Variants in HTR1D observed in about 807,000 individuals in gnomAD.
HTR1D encodes 5-HT-1D.
In HTR1D, 18 loss-of-function variants were observed where a neutral mutation model predicts 21.1. That is an observed-to-expected ratio of 0.85 (90% confidence interval 0.59 to 1.27). HTR1D has a LOEUF of 1.27. Among genes scored for constraint, HTR1D ranks in the 50% most tolerant of loss-of-function variants. The pLI, the probability that HTR1D is intolerant of heterozygous loss-of-function variation, is 0.00. For synonymous variants in HTR1D, 196 were observed against 204.4 expected (o/e 0.96, Z 0.35); for missense variants, 456 against 481.4 (o/e 0.95, Z 0.49).
chr1:23,208,899 AAAAG>A (rs1013361485), intron 1 of HTR1D, among the ~76,000 whole-genome samples: 1 of 152,198 alleles, frequency 6.6e-6, no homozygotes, highest in Non-Finnish European at 1.5e-5. Flanking sequence ...AGAATGTAAA[AAAAG>A]AATATAAAAT....
Position 23,217,148 on chromosome 1 carries a change from C to A in HTR1D, c.-783+143G>T, listed in dbSNP as rs1228847636. The stretch of plus-strand genomic sequence containing the variant: ...GGCCGGGCAGGTCCTCCGGGACCCT[C>A]TCCCTGGCGCGCGCCCGTCCGAGGG... On this transcript the variant is annotated intron_variant, in intron 1 of 1. Coordinates refer to ENST00000374619, the MANE Select transcript of HTR1D (RefSeq NM_000864.5). This position sits in a 1 kb window ranked among gnomAD's most constrained non-coding sequence, Gnocchi z 4.6. 2.6e-5 allele frequency among the ~76,000 whole-genome samples: 4 copies of A among 151,914 alleles called. No individual in the cohort carries two copies. Among genetic ancestry groups the A allele is most frequent in the Non-Finnish European group, 4.4e-5 (3 of 67,858 alleles).
At position 23,193,262 on chromosome 1, in the gene HTR1D, C is replaced by T; in HGVS notation, c.958G>A (p.Val320Met). The T allele has an allele frequency of 6.2e-7, 1 of 1,614,106 alleles. No homozygotes were observed. The highest frequency in any genetic ancestry group is 8.5e-7 in the Non-Finnish European group (1 of 1,180,016). ...CGGCAGATGGGGAGGACCAGAGACA[C>T]CACGAAGAAGGGCAGCCAGCAGATG... ...FIICWLPFFV[V>M]SLVLPICRDS... Residue 320 changes from valine (V) to methionine (M), a missense_variant, in exon 2 of 2, where the codon GTG (valine) becomes ATG (methionine). Val to Met is a conservative substitution (Grantham distance 21, BLOSUM62 1). Coordinates refer to ENST00000374619, the MANE Select transcript of HTR1D (RefSeq NM_000864.5).
rs1204917195 is a variant in HTR1D, at chr1:23,217,388, A to AC, written c.-881dup. Among the ~76,000 whole-genome samples, 1 of 122,072 alleles carries AC rather than the reference A, an allele frequency of 8.2e-6. No homozygotes were observed. The highest frequency in any genetic ancestry group is 3.2e-5 in the African/African-American group (1 of 31,448). The allele number at this position is 122,072 out of a possible 152,430, so 80.1% of individuals were successfully genotyped here. Reference sequence around the variant, plus strand: ...TCGCGGCCGCCTTGTCTCCGCCGCGACCCCCGCCGAACTCGGGGGCCGCCC... The same window carrying AC: ...TCGCGGCCGCCTTGTCTCCGCCGCGACCCCCCGCCGAACTCGGGGGCCGCCC... On this transcript the variant is annotated 5_prime_UTR_variant, in exon 1 of 2. Transcript: ENST00000374619. The surrounding 1 kb of genome is among the most constrained non-coding windows in gnomAD (Gnocchi z 4.6).
Position 23,192,788 on chromosome 1 carries a change from G to C in HTR1D, c.*298C>G. 1 of 206,484 alleles carries C rather than the reference G, an allele frequency of 4.8e-6. No individual in the cohort carries two copies. Among genetic ancestry groups the C allele is most frequent in the Non-Finnish European group, 9.3e-6 (1 of 107,730 alleles). The allele number at this position is 206,484 out of a possible 1,614,324, so 12.8% of individuals were successfully genotyped here. ...GGATGCGGAGGTTGCAGTGAGCTGA[G>C]ATTGTGCCACTACACTCCAGCCTGG... is the stretch of plus-strand genomic sequence containing the variant. On this transcript the variant is annotated 3_prime_UTR_variant, in exon 2 of 2. Coordinates refer to ENST00000374619, the MANE Select transcript of HTR1D (RefSeq NM_000864.5).
At position 23,199,721 on chromosome 1, in the gene HTR1D, C is replaced by T. The variant is rs370275441; in HGVS notation, c.-782-4720G>A. Among the ~76,000 whole-genome samples, 6 of 151,810 alleles carry T rather than the reference C, an allele frequency of 4.0e-5. No individual in the cohort carries two copies. The South Asian group carries it at 6.3e-4, about 16-fold the overall frequency. ...TTCTTTCTTTCTTTCTTTTTCTTGG[C>T]GGGGAAGGAGTCTTCCTCTGTCACC... On this transcript the variant is annotated intron_variant, in intron 1 of 1. Coordinates refer to ENST00000374619, the MANE Select transcript of HTR1D (RefSeq NM_000864.5).
chr1:23,207,040 G>A (rs1349974382), intron 1 of HTR1D, among the ~76,000 whole-genome samples: 1 of 152,110 alleles, frequency 6.6e-6, no homozygotes. Flanking sequence ...TGAAAATGAG[G>A]TAGTTGGACC....
At position 23,193,297 on chromosome 1, in the gene HTR1D, C is replaced by T. The variant is rs1339262386; in HGVS notation, c.923G>A (p.Gly308Glu). 2 of 1,613,978 alleles carry T rather than the reference C, an allele frequency of 1.2e-6. No individual in the cohort carries two copies. Among genetic ancestry groups the T allele is most frequent in the African/African-American group, 2.7e-5 (2 of 74,878 alleles). ...GGGCAGCCAGCAGATGATAAAGGCCCCCAGAATGATGCCCAGGATTTTAGT... is the reference window on the plus strand; with the variant it reads ...GGGCAGCCAGCAGATGATAAAGGCCTCCAGAATGATGCCCAGGATTTTAGT... The part of the protein sequence containing the change: ...KATKILGIIL[G>E]AFIICWLPFF... Residue 308 changes from glycine (G) to glutamate (E), a missense_variant, in exon 2 of 2, where the codon GGG (glycine) becomes GAG (glutamate). Transcript: ENST00000374619.
At chr1:23,198,602 A>G (rs1384915784) in intron 1 of HTR1D, among the ~76,000 whole-genome samples, 1 of 152,182 alleles carries the variant, frequency 6.6e-6, no homozygotes, top group African/African-American at 2.4e-5. Flanking sequence ...ACAACTAAAA[A>G]CAACCAAACG....
At chr1:23,200,034 G>A (rs531366291) in intron 1 of HTR1D, among the ~76,000 whole-genome samples, 1 of 152,160 alleles carries the variant, frequency 6.6e-6, no homozygotes, top group African/African-American at 2.4e-5. Flanking sequence ...AATCTATTTT[G>A]TATATTATGA....
intron 1 of HTR1D, among the ~76,000 whole-genome samples, chr1:23,202,827 C>G (rs1315332684): frequency 1.3e-5 from 2 of 152,076 alleles, no homozygotes; most frequent in African/African-American, 2.4e-5. Context: ...TCAGTTTTCT[C>G]CTCTGCAAAA....
At chr1:23,200,982 G>A (rs1007175319) in intron 1 of HTR1D, among the ~76,000 whole-genome samples, 2 of 152,134 alleles carry the variant, frequency 1.3e-5, no homozygotes, top group African/African-American at 4.8e-5. Flanking sequence ...GCCACACCAT[G>A]CCTCTCCCAG....
intron 1 of HTR1D, among the ~76,000 whole-genome samples, chr1:23,215,006 T>G (rs1221482266): frequency 1.3e-5 from 2 of 151,930 alleles, no homozygotes; most frequent in Non-Finnish European, 2.9e-5. Flanking sequence ...GAAAGGAGAA[T>G]GAAGCCGCAA....
intron 1 of HTR1D, among the ~76,000 whole-genome samples, chr1:23,199,075 C>T (rs1448717008): frequency 6.6e-6 from 1 of 151,902 alleles, no homozygotes; most frequent in East Asian, 1.9e-4. Flanking sequence ...GGCCAGCCTG[C>T]CTTGGCCTCC....
Position 23,191,942 on chromosome 1 carries a change from A to G in HTR1D, c.*1144T>C, listed in dbSNP as rs770009040. ...TTATTTGATAAGACTCAACATCTCT[A>G]ATGAGTTTTCAGATCTCTAATGAGA... On this transcript the variant is annotated 3_prime_UTR_variant, in exon 2 of 2. Coordinates refer to ENST00000374619, the MANE Select transcript of HTR1D (RefSeq NM_000864.5). The G allele has an allele frequency of 6.6e-6, 1 of 151,488 alleles. No individual in the cohort carries two copies. The highest frequency in any genetic ancestry group is 2.4e-5 in the African/African-American group (1 of 41,236). 9.4% of individuals were successfully genotyped at this position (151,488 alleles called of 1,614,324 possible). A position where few individuals can be genotyped will look rare whatever the true frequency, so the allele number is the denominator to read the frequency against.
rs952709044 is a variant in HTR1D, at chr1:23,193,009, A to T, written c.*77T>A. Reference sequence around the variant, plus strand: ...CCATGAATTAATCCAAGTCTCAGAAAATAATTAAAAAAAAAAAAGACAATC... The same window carrying T: ...CCATGAATTAATCCAAGTCTCAGAATATAATTAAAAAAAAAAAAGACAATC... On this transcript the variant is annotated 3_prime_UTR_variant, in exon 2 of 2. Coordinates refer to ENST00000374619, the MANE Select transcript of HTR1D (RefSeq NM_000864.5). The T allele has an allele frequency of 1.1e-6, 1 of 897,390 alleles. No homozygotes were observed. Among genetic ancestry groups the T allele is most frequent in the Non-Finnish European group, 1.6e-6 (1 of 622,650 alleles). 55.6% of individuals were successfully genotyped at this position (897,390 alleles called of 1,614,324 possible).
At position 23,194,095 on chromosome 1, in the gene HTR1D, G is replaced by T; in HGVS notation, c.125C>A (p.Ala42Asp). 2.5e-6 allele frequency: 4 copies of T among 1,614,196 alleles called. No homozygotes were observed. Among genetic ancestry groups the T allele is most frequent in the Non-Finnish European group, 3.4e-6 (4 of 1,180,040 alleles). ...RTLQALKISL[A>D]VVLSVITLAT... is the part of the protein sequence containing the mutation. ...CAGTGTGATGACGGAAAGGACCACG[G>T]CAAGGGAGATCTTGAGCGCCTGGAG... The change falls in exon 2 of 2, where the codon GCC becomes GAC. Residue 42 changes from alanine (A) to aspartate (D), a missense_variant. Coordinates refer to ENST00000374619, the MANE Select transcript of HTR1D (RefSeq NM_000864.5).
intron 1 of HTR1D, among the ~76,000 whole-genome samples, 183 bp from the exon 2 acceptor site, chr1:23,195,184 G>C (rs1431906422): frequency 6.6e-6 from 1 of 152,128 alleles, no homozygotes; most frequent in Non-Finnish European, 1.5e-5. Context: ...TTCCCAGAGG[G>C]GACAAAGAGT....
rs1276055606 is a variant in HTR1D at position 23,202,471 on chromosome 1, G to A, written c.-782-7470C>T. On this transcript the variant is annotated intron_variant, in intron 1 of 1. Transcript: ENST00000374619. ...TATCCAGGGCTCATTCAGCCTGCAG[G>A]AAGATCTGTTGCCTCCACTTTCTGA... 2.0e-5 allele frequency among the ~76,000 whole-genome samples: 3 copies of A among 152,210 alleles called. No homozygotes were observed. The South Asian group carries it at 6.2e-4, about 32-fold the overall frequency.
intron 1 of HTR1D, among the ~76,000 whole-genome samples, chr1:23,210,134 A>G (rs1400712249): frequency 6.6e-6 from 1 of 152,102 alleles, no homozygotes; most frequent in African/African-American, 2.4e-5. Context: ...CCTAGGCTGG[A>G]GTGCAATGAT....
Sources: gnomAD v4.1 joint callset for allele counts (sites outside exome capture counted in the v4.1 genomes callset) on GRCh38, gnomAD v4.1.1 for gene constraint, Gnocchi (gnomAD v3.1) non-coding constraint, MANE v1.5 for transcripts, NCBI Gene and HGNC (gene_info 2026-07-23, HGNC 2026-07-21) for gene names.